The following TACR3 variants were observed in gnomAD, a reference collection of about 807,000 sequenced individuals.
TACR3 encodes the protein neuromedin-K receptor.
A neutral mutation model predicts 35.0 loss-of-function variants in TACR3; 34 were observed. That is an observed-to-expected ratio of 0.97 (90% confidence interval 0.74 to 1.30). TACR3 has a LOEUF of 1.30. Among genes scored for constraint, TACR3 ranks in the 50% most tolerant of loss-of-function variants. The pLI, the probability that TACR3 is intolerant of heterozygous loss-of-function variation, is 0.00. For synonymous variants in TACR3, 233 were observed against 221.1 expected (o/e 1.05, Z -0.48); for missense variants, 558 against 591.7 (o/e 0.94, Z 0.59).
intron 3 of TACR3, among the ~76,000 whole-genome samples, chr4:103,614,618 GA>G (rs1365784643): frequency 3.9e-5 from 6 of 152,044 alleles, no homozygotes; most frequent in Non-Finnish European, 7.4e-5. Context: ...GATATAGTAA[GA>G]ATATTGATGT....
intron 1 of TACR3, among the ~76,000 whole-genome samples, chr4:103,703,928 A>G (rs1217086742): frequency 2.0e-5 from 3 of 151,750 alleles, no homozygotes; most frequent in Non-Finnish European, 2.9e-5. Context: ...GTGAAACCCC[A>G]TCTCTACTAC....
intron 3 of TACR3, among the ~76,000 whole-genome samples, chr4:103,634,952 A>C (rs945706643): frequency 5.3e-5 from 8 of 152,188 alleles, no homozygotes; most frequent in African/African-American, 1.7e-4. Context: ...TGTAAAATAA[A>C]ATAATGTGTA....
At chr4:103,631,687 C>T (rs1225620580) in intron 3 of TACR3, among the ~76,000 whole-genome samples, 1 of 152,130 alleles carries the variant, frequency 6.6e-6, no homozygotes, top group Non-Finnish European at 1.5e-5. Context: ...TTGGCTCTCC[C>T]TGTTTATAAC....
chr4:103,611,718 T>TA (rs530530417), intron 3 of TACR3, among the ~76,000 whole-genome samples: 5 of 152,218 alleles, frequency 3.3e-5, no homozygotes, highest in African/African-American at 1.2e-4. Context: ...AAAAGGCCAA[T>TA]AAAAAAGTTT....
chr4:103,681,840 G>T (rs1038030889), intron 1 of TACR3, among the ~76,000 whole-genome samples: 4 of 151,924 alleles, frequency 2.6e-5, no homozygotes, highest in Non-Finnish European at 4.4e-5. Context: ...CATTTACCAA[G>T]ATGACCCATA....
intron 3 of TACR3, among the ~76,000 whole-genome samples, chr4:103,638,124 A>G (rs1482822235): frequency 6.6e-6 from 1 of 152,168 alleles, no homozygotes; most frequent in Non-Finnish European, 1.5e-5. Context: ...GAGAGCCCAC[A>G]TCGCCAAGTC....
chr4:103,700,509 A>C (rs963568752), intron 1 of TACR3, among the ~76,000 whole-genome samples: 1 of 152,138 alleles, frequency 6.6e-6, no homozygotes, highest in African/African-American at 2.4e-5. Flanking sequence ...CACTACAAAC[A>C]CTGTGCTAAT....
At chr4:103,633,376 A>G (rs962743709) in intron 3 of TACR3, among the ~76,000 whole-genome samples, 2 of 151,770 alleles carry the variant, frequency 1.3e-5, no homozygotes. Flanking sequence ...CCCATGAGGT[A>G]GCTTATTTGC....
chr4:103,592,145 T>C (rs1026904724), intron 3 of TACR3, among the ~76,000 whole-genome samples: 1 of 152,206 alleles, frequency 6.6e-6, no homozygotes, highest in South Asian at 2.1e-4. Flanking sequence ...AGCCTGACTA[T>C]AGCTTAAGAC....
intron 1 of TACR3, among the ~76,000 whole-genome samples, chr4:103,669,580 T>G (rs1483931457): frequency 6.6e-6 from 1 of 152,170 alleles, no homozygotes; most frequent in Non-Finnish European, 1.5e-5. Context: ...TAATTTACAT[T>G]TCTTTGATGA....
At chr4:103,685,138 A>C (rs1722201097) in intron 1 of TACR3, among the ~76,000 whole-genome samples, 1 of 152,150 alleles carries the variant, frequency 6.6e-6, no homozygotes, top group Non-Finnish European at 1.5e-5. Context: ...GTGCAGCAGT[A>C]ATCAATACAG....
chr4:103,693,845 T>C (rs1427188880), intron 1 of TACR3, among the ~76,000 whole-genome samples: 2 of 152,096 alleles, frequency 1.3e-5, no homozygotes, highest in Non-Finnish European at 2.9e-5. Context: ...TTAATGATAA[T>C]ATTTTTGTTT....
chr4:103,586,294 G>C lies in TACR3; in HGVS notation c.*3388C>G, dbSNP rs1335438639. On this transcript the variant is annotated 3_prime_UTR_variant, in exon 5 of 5. Coordinates refer to ENST00000304883, the MANE Select transcript of TACR3 (RefSeq NM_001059.3). ...GAACTTTATTCTCTATTCCTGCTTG[G>C]CCCTAAGGGAAATTATTCCAACCTT... The C allele has an allele frequency of 2.0e-5, 3 of 151,440 alleles. No homozygotes were observed. Among genetic ancestry groups the C allele is most frequent in the Non-Finnish European group, 2.9e-5 (2 of 67,894 alleles). 9.4% of individuals were successfully genotyped at this position (151,440 alleles called of 1,614,324 possible). A position where few individuals can be genotyped will look rare whatever the true frequency, so the allele number is the denominator to read the frequency against.
At position 103,587,796 on chromosome 4, in the gene TACR3, A is replaced by T. The variant is rs1723800079; in HGVS notation, c.*1886T>A. 6.6e-6 allele frequency: 1 copy of T among 152,124 alleles called. No homozygotes were observed. The highest frequency in any genetic ancestry group is 6.6e-5 in the Admixed American group (1 of 15,254). The allele number at this position is 152,124 out of a possible 1,614,324, so 9.4% of individuals were successfully genotyped here. On this transcript the variant is annotated 3_prime_UTR_variant, in exon 5 of 5. Coordinates refer to ENST00000304883, the MANE Select transcript of TACR3 (RefSeq NM_001059.3). ...GTTTTAAGAATGAACATTCAAAAAC[A>T]TTATATTCAAACAATTAGATACTAT... is the stretch of plus-strand genomic sequence containing the variant.
At position 103,711,396 on chromosome 4, in the gene TACR3, T is replaced by C. The variant is rs961043281; in HGVS notation, c.548+7732A>G. Among the ~76,000 whole-genome samples, 6 of 152,078 alleles carry C rather than the reference T, an allele frequency of 3.9e-5. No individual in the cohort carries two copies. In the East Asian group the frequency reaches 1.2e-3, roughly 29 times the overall value. ...AACAGAACCAATGACAAAAAGCACATGGGTTATCTCAATAGATGAAGAAAA... is the reference window on the plus strand; with the variant it reads ...AACAGAACCAATGACAAAAAGCACACGGGTTATCTCAATAGATGAAGAAAA... On this transcript the variant is annotated intron_variant, in intron 1 of 4. Transcript: ENST00000304883.
chr4:103,719,570 C>T lies in TACR3; in HGVS notation c.106G>A (p.Ala36Thr), dbSNP rs1158054702. The T allele has an allele frequency of 1.2e-6, 2 of 1,609,472 alleles. No homozygotes were observed. The highest frequency in any genetic ancestry group is 1.7e-6 in the Non-Finnish European group (2 of 1,177,004). Residue 36 changes from alanine to threonine, a missense_variant, in exon 1 of 5, where the codon GCA (alanine) becomes ACA (threonine). Coordinates refer to ENST00000304883, the MANE Select transcript of TACR3 (RefSeq NM_001059.3). ...ASLAAGAATG[A>T]VETGWLQLLD... is the part of the protein sequence containing the mutation. The stretch of plus-strand genomic sequence containing the variant: ...AGTTGCAGCCACCCAGTCTCAACTG[C>T]CCCCGTGGCCGCCCCGGCAGCTAGC...
At chr4:103,599,401 C>G (rs999151110) in intron 3 of TACR3, among the ~76,000 whole-genome samples, 2 of 152,214 alleles carry the variant, frequency 1.3e-5, no homozygotes, top group African/African-American at 2.4e-5. Context: ...CATCTGCAAA[C>G]AGAGACAATT....
chr4:103,680,619 A>G (rs1180259844), intron 1 of TACR3, among the ~76,000 whole-genome samples: 3 of 151,270 alleles, frequency 2.0e-5, no homozygotes, highest in Non-Finnish European at 4.4e-5. Context: ...CTATATACAG[A>G]ATATTTTCTC....
intron 1 of TACR3, among the ~76,000 whole-genome samples, chr4:103,703,325 ACTC>A (rs1275793232): frequency 6.6e-6 from 1 of 152,092 alleles, no homozygotes; most frequent in Non-Finnish European, 1.5e-5. Context: ...CCATACCACC[ACTC>A]ATCTCAGAAC....
Sources: gnomAD v4.1 joint callset for allele counts (sites outside exome capture counted in the v4.1 genomes callset) on GRCh38, gnomAD v4.1.1 for gene constraint, MANE v1.5 for transcripts, NCBI Gene and HGNC (gene_info 2026-07-23, HGNC 2026-07-21) for gene names.